The following FSIP1 variants were observed in gnomAD, a reference collection of about 807,000 sequenced individuals.
FSIP1 encodes the protein fibrous sheath interacting protein 1.
In FSIP1, 65 loss-of-function variants were observed where a neutral mutation model predicts 60.9. That is an observed-to-expected ratio of 1.07 (90% CI 0.87 to 1.31). The LOEUF (loss-of-function observed/expected upper bound fraction) is 1.31. FSIP1 is among the 40% of genes most tolerant of loss of function. The pLI, the probability that FSIP1 is intolerant of heterozygous loss-of-function variation, is 0.00. For synonymous variants in FSIP1, 209 were observed against 221.2 expected, an observed-to-expected ratio of 0.94 and a Z score of 0.49; for missense variants, 675 against 665.5, an observed-to-expected ratio of 1.01 and a Z score of -0.16.
intron 9 of FSIP1, among the ~76,000 whole-genome samples, chr15:39,716,299 G>C (rs1895736315): frequency 6.6e-6 from 1 of 152,108 alleles, no homozygotes; most frequent in Non-Finnish European, 1.5e-5. Context: ...CTACAACTAT[G>C]ATTTTTTCTA....
intron 10 of FSIP1, among the ~76,000 whole-genome samples, chr15:39,690,132 T>C (rs2140502589): frequency 6.6e-6 from 1 of 152,312 alleles, no homozygotes; most frequent in Non-Finnish European, 1.5e-5. Flanking sequence ...GAACAGCAAG[T>C]AGTTCACAGT....
chr15:39,656,812 T>C (rs1415675792), intron 10 of FSIP1, among the ~76,000 whole-genome samples: 1 of 152,344 alleles, frequency 6.6e-6, no homozygotes, highest in Admixed American at 6.5e-5. Flanking sequence ...AAAAAATGTT[T>C]ATAAGAACAA....
intron 10 of FSIP1, among the ~76,000 whole-genome samples, chr15:39,625,449 C>A (rs1891600687): frequency 6.6e-6 from 1 of 152,112 alleles, no homozygotes; most frequent in Non-Finnish European, 1.5e-5. Context: ...GGCAGGAGAG[C>A]CAGACTGTGC....
At chr15:39,760,619 AGG>A (rs1207959772) in intron 5 of FSIP1, among the ~76,000 whole-genome samples, 1 of 152,192 alleles carries the variant, frequency 6.6e-6, no homozygotes, top group Non-Finnish European at 1.5e-5. Context: ...ACTCTCCCAA[AGG>A]GTCAACATCA....
chr15:39,607,885 G>T (rs144023746), intron 11 of FSIP1, among the ~76,000 whole-genome samples: 148 of 152,316 alleles, frequency 9.7e-4, no homozygotes, highest in Non-Finnish European at 1.8e-3. Flanking sequence ...TATTTCCTGA[G>T]AAGGAGGTAG....
intron 4 of FSIP1, among the ~76,000 whole-genome samples, chr15:39,764,693 A>G (rs1417097611): frequency 6.6e-6 from 1 of 152,206 alleles, no homozygotes; most frequent in African/African-American, 2.4e-5. Flanking sequence ...AAGGCCAAGG[A>G]AAGTTCATTG....
chr15:39,702,709 T>G (rs1895109224), intron 10 of FSIP1, among the ~76,000 whole-genome samples: 1 of 151,108 alleles, frequency 6.6e-6, no homozygotes, highest in African/African-American at 2.4e-5. Flanking sequence ...GTATCACATA[T>G]TATAATTTTT....
At chr15:39,762,393 TCTCTTTGTGTCCTCTC>T (rs1189928650) in intron 5 of FSIP1, among the ~76,000 whole-genome samples, 1 of 152,190 alleles carries the variant, frequency 6.6e-6, no homozygotes, top group Non-Finnish European at 1.5e-5. Flanking sequence ...TGGCTCTATG[TCTCTTTGTGTCCTCTC>T]CTCTTTTTTA....
chr15:39,666,333 A>G (rs1893493260), intron 10 of FSIP1, among the ~76,000 whole-genome samples: 2 of 152,220 alleles, frequency 1.3e-5, no homozygotes, highest in Admixed American at 1.3e-4. Context: ...CAGTGACATG[A>G]AAAAGATAAG....
intron 10 of FSIP1, among the ~76,000 whole-genome samples, chr15:39,657,947 A>G (rs543176282): frequency 6.6e-6 from 1 of 152,360 alleles, no homozygotes; most frequent in East Asian, 1.9e-4. Context: ...CATTCCTTCG[A>G]GAACAGCATA....
At chr15:39,780,518 T>A (rs1898225708) in intron 1 of FSIP1, among the ~76,000 whole-genome samples, 1 of 151,978 alleles carries the variant, frequency 6.6e-6, no homozygotes, top group Non-Finnish European at 1.5e-5. Context: ...AGACTCCGTG[T>A]CAAAAAAAGA....
Position 39,769,507 on chromosome 15 carries a change from C to T in FSIP1, c.310+920G>A, listed in dbSNP as rs551044852. Among the ~76,000 whole-genome samples the T allele has an allele frequency of 5.3e-5, 8 of 152,260 alleles. No homozygotes were observed. The East Asian group carries it at 1.2e-3, about 22-fold the overall frequency. On this transcript the variant is annotated intron_variant, in intron 3 of 11. Transcript: ENST00000350221. ...TGTCAGTCATTCTTTCAAGTAAAAA[C>T]GGTGTTCCATTATAAAAGTGGCCAG...
Position 39,770,509 on chromosome 15 carries a change from G to A in FSIP1, c.228C>T (p.Cys76=), listed in dbSNP as rs1459844838. Residue 76 remains cysteine (C), a synonymous_variant, in exon 3 of 12, where the codon TGC becomes TGT. Coordinates refer to ENST00000350221, the MANE Select transcript of FSIP1 (RefSeq NM_152597.5). ...CTTCAGCCAATTTTATTTTCTCAGA[G>A]CAGCTTTCCTGCTTATCATCATTAC... ...RTSNDDKQES[C]SEKIKLAEEG... is the part of the protein sequence containing the mutation. The A allele has an allele frequency of 3.1e-6, 5 of 1,611,458 alleles. No individual in the cohort carries two copies. In the African/African-American group the frequency reaches 6.7e-5, roughly 22 times the overall value.
At chr15:39,724,142 G>C (rs1896093842) in intron 9 of FSIP1, among the ~76,000 whole-genome samples, 1 of 152,016 alleles carries the variant, frequency 6.6e-6, no homozygotes, top group African/African-American at 2.4e-5. Flanking sequence ...TAACAAAAAT[G>C]TAAGGTACTG....
At chr15:39,685,865 T>C (rs1244357612) in intron 10 of FSIP1, among the ~76,000 whole-genome samples, 1 of 152,094 alleles carries the variant, frequency 6.6e-6, no homozygotes, top group African/African-American at 2.4e-5. Context: ...CACGATACAC[T>C]CCAGACATTC....
At chr15:39,654,323 CA>C (rs1377769006) in intron 10 of FSIP1, among the ~76,000 whole-genome samples, 1 of 152,136 alleles carries the variant, frequency 6.6e-6, no homozygotes, top group Non-Finnish European at 1.5e-5. Flanking sequence ...TTGTTTACAC[CA>C]GCTTCACCAC....
intron 10 of FSIP1, among the ~76,000 whole-genome samples, chr15:39,633,091 CTTTTTTTT>C (rs869063502): frequency 8.9e-6 from 1 of 112,870 alleles, no homozygotes; most frequent in African/African-American, 3.7e-5. Flanking sequence ...GGCTATACTT[CTTTTTTTT>C]TTTTTTTTTT....
intron 10 of FSIP1, among the ~76,000 whole-genome samples, chr15:39,639,844 C>T (rs1349014973): frequency 6.6e-6 from 1 of 152,108 alleles, no homozygotes; most frequent in African/African-American, 2.4e-5. Context: ...TGAAAGCCCA[C>T]AAATAAGCAG....
chr15:39,669,346 T>C (rs533846088), intron 10 of FSIP1, among the ~76,000 whole-genome samples: 1 of 152,314 alleles, frequency 6.6e-6, no homozygotes, highest in African/African-American at 2.4e-5. Context: ...TTCCTCCCCC[T>C]TCCTTTTACA....
Sources: allele counts gnomAD v4.1 joint callset (sites outside exome capture counted in the v4.1 genomes callset), GRCh38; gene constraint gnomAD v4.1.1; transcripts MANE v1.5; gene names NCBI Gene and HGNC (gene_info 2026-07-23, HGNC 2026-07-21).